Variants in CPXM2 observed in about 807,000 individuals in gnomAD.
The protein encoded by CPXM2 is inactive carboxypeptidase-like protein X2.
A neutral mutation model predicts 86.1 loss-of-function variants in CPXM2; 66 were observed. The observed-to-expected ratio is 0.77, with a 90% CI of 0.63 to 0.94. The LOEUF is 0.94. CPXM2 is among the 40% of genes least tolerant of loss of function. CPXM2 has a pLI of 0.00. For synonymous variants in CPXM2, 388 were observed against 400.2 expected (o/e 0.97, Z 0.36); for missense variants, 948 against 1,026.3 (o/e 0.92, Z 1.04).
chr10:123,784,120 T>G (rs1163023132), intron 6 of CPXM2, among the ~76,000 whole-genome samples: 1 of 152,130 alleles, frequency 6.6e-6, no homozygotes, highest in African/African-American at 2.4e-5. Flanking sequence ...ATGAAGGCTT[T>G]TGAGTTCAAG....
intron 13 of CPXM2, chr10:123,751,009 G>A: frequency 2.1e-5 from 21 of 985,436 alleles, no homozygotes; most frequent in Non-Finnish European, 2.5e-5. Context: ...TGTGTTCAGG[G>A]TGAACCTTCT....
chr10:123,800,334 C>T (rs552677428), intron 4 of CPXM2, among the ~76,000 whole-genome samples: 2 of 152,232 alleles, frequency 1.3e-5, no homozygotes, highest in South Asian at 2.1e-4. Flanking sequence ...TCTGAATACC[C>T]GTTAGAAGCC....
At chr10:123,936,773 A>G (rs1048642730) in intron 2 of CPXM2, among the ~76,000 whole-genome samples, 1 of 151,922 alleles carries the variant, frequency 6.6e-6, no homozygotes, top group Non-Finnish European at 1.5e-5. Flanking sequence ...TCCCACCTCC[A>G]GTCCTCGGGC....
intron 4 of CPXM2, among the ~76,000 whole-genome samples, chr10:123,822,963 G>A (rs960526986): frequency 5.9e-5 from 9 of 151,968 alleles, no homozygotes; most frequent in Non-Finnish European, 1.3e-4. Flanking sequence ...CACAACCTTA[G>A]GAATATATTA....
chr10:123,857,032 T>C (rs1848740918), intron 3 of CPXM2, among the ~76,000 whole-genome samples: 1 of 152,140 alleles, frequency 6.6e-6, no homozygotes, highest in Non-Finnish European at 1.5e-5. Context: ...ACAAGTGAGT[T>C]AGTATAAAGG....
intron 4 of CPXM2, among the ~76,000 whole-genome samples, chr10:123,808,951 G>T (rs549979240): frequency 6.6e-6 from 1 of 152,172 alleles, no homozygotes; most frequent in East Asian, 1.9e-4. Flanking sequence ...GTAACTTTAA[G>T]TCTGAAAATA....
At chr10:123,845,991 A>G (rs929804236) in intron 3 of CPXM2, among the ~76,000 whole-genome samples, 5 of 152,168 alleles carry the variant, frequency 3.3e-5, no homozygotes, top group Non-Finnish European at 7.3e-5. Context: ...ACTATCAATC[A>G]TGATGGCAAA....
chr10:123,908,620 A>C (rs1257154407), intron 2 of CPXM2, among the ~76,000 whole-genome samples: 1 of 152,080 alleles, frequency 6.6e-6, no homozygotes, highest in African/African-American at 2.4e-5. Context: ...GAGAGGGGCC[A>C]CCTGGTCCAT....
At chr10:123,938,991 C>T (rs1344923803) in intron 2 of CPXM2, among the ~76,000 whole-genome samples, 1 of 152,096 alleles carries the variant, frequency 6.6e-6, no homozygotes, top group Non-Finnish European at 1.5e-5. Flanking sequence ...AGAGCCGATA[C>T]AAATGACACA....
upstream of CPXM2, among the ~76,000 whole-genome samples, chr10:123,893,598 A>G (rs190111380): frequency 1.4e-3 from 210 of 152,292 alleles, no homozygotes; most frequent in Non-Finnish European, 2.1e-3. Flanking sequence ...AGAAGTCCTC[A>G]GGGTGAGAGG....
intron 6 of CPXM2, among the ~76,000 whole-genome samples, chr10:123,791,882 G>T (rs1329222614): frequency 1.3e-5 from 2 of 152,192 alleles, no homozygotes; most frequent in African/African-American, 2.4e-5. Context: ...ACTGCGAGAG[G>T]CCATCCTTCC....
At chr10:123,797,932 A>G (rs749543058) in intron 6 of CPXM2, 44 bp downstream of exon 6, 2 of 1,487,824 alleles carry the variant, frequency 1.3e-6, no homozygotes, top group Non-Finnish European at 1.8e-6. Flanking sequence ...TCTGTTTTCC[A>G]TCAGTGCTCC....
At chr10:123,777,461 T>C (rs571238841) in intron 7 of CPXM2, 1 of 152,820 alleles carries the variant, frequency 6.5e-6, no homozygotes, top group African/African-American at 2.4e-5. Context: ...GCCTCAGGAA[T>C]GCCTCTCCTC....
chr10:123,932,701 G>T lies in CPXM2; in HGVS notation n.174+6776C>A, dbSNP rs891451175. 7.9e-5 allele frequency among the ~76,000 whole-genome samples: 12 copies of T among 152,182 alleles called. 1 individual carries two copies. The highest frequency in any genetic ancestry group is 1.3e-4 in the Non-Finnish European group (9 of 68,044). ...TACAAGGTGAATCAATTTACATAAG[G>T]AACGCAAGAGCCTACTGCGGAAGGA... On this transcript the variant is annotated intron_variant and non_coding_transcript_variant, in intron 2 of 19. Transcript: ENST00000368854.
chr10:123,768,843 TTTG>T, intron 8 of CPXM2, 121 bp from the exon 9 acceptor site: 1 of 833,920 alleles, frequency 1.2e-6, no homozygotes, highest in Non-Finnish European at 1.8e-6. Flanking sequence ...TTTAGACCTA[TTTG>T]TTCTTTCAAA....
At chr10:123,881,229 T>TCCCCCCCCCCCCCCC (rs1564811040) in intron 1 of CPXM2, among the ~76,000 whole-genome samples, 2 of 89,682 alleles carry the variant, frequency 2.2e-5, no homozygotes, top group Admixed American at 9.2e-5. Flanking sequence ...TGGAGCACCC[T>TCCCCCCCCCCCCCCC]TCTCTTCCCT....
At chr10:123,784,914 G>T (rs1347083857) in intron 6 of CPXM2, among the ~76,000 whole-genome samples, 1 of 152,154 alleles carries the variant, frequency 6.6e-6, no homozygotes, top group African/African-American at 2.4e-5. Context: ...TAAATCAAAT[G>T]GAAACACTTC....
intron 4 of CPXM2, among the ~76,000 whole-genome samples, chr10:123,801,558 G>A (rs539816394): frequency 6.6e-6 from 1 of 151,962 alleles, no homozygotes; most frequent in Admixed American, 6.6e-5. Flanking sequence ...CACTCTCTCA[G>A]GCCCCCTGGC....
chr10:123,887,807 C>A (rs1315007943), intron 1 of CPXM2, among the ~76,000 whole-genome samples: 2 of 152,196 alleles, frequency 1.3e-5, no homozygotes, highest in Non-Finnish European at 2.9e-5. Context: ...GAGGTTATCA[C>A]TGGGGGGAGC....
Sources: allele counts gnomAD v4.1 joint callset (sites outside exome capture counted in the v4.1 genomes callset), GRCh38; gene constraint gnomAD v4.1.1; transcripts MANE v1.5; gene names NCBI Gene and HGNC (gene_info 2026-07-23, HGNC 2026-07-21).